CDH13: variants seen among roughly 807,000 people sequenced by gnomAD.
CDH13 encodes cadherin-13.
CDH13 carries 24 observed loss-of-function variants against 63.8 expected under a neutral mutation model. That is an observed-to-expected ratio of 0.38 (90% CI 0.27 to 0.53). CDH13 has a LOEUF of 0.53. Ranked by LOEUF, CDH13 falls within the 20% of genes least tolerant of loss-of-function variation. The pLI, the probability that CDH13 is intolerant of heterozygous loss-of-function variation, is 0.85. For missense variants in CDH13, 1,049 were observed against 903.1 expected (o/e 1.16, Z -2.07); for synonymous variants, 503 against 355.3 (o/e 1.42, Z -4.67).
intron 5 of CDH13, among the ~76,000 whole-genome samples, chr16:83,287,718 G>A (rs1022798696): frequency 2.0e-5 from 3 of 152,076 alleles, no homozygotes; most frequent in African/African-American, 4.8e-5. Context: ...GAAATAAAGT[G>A]CACCATAAAT....
chr16:82,928,602 G>A (rs550312301), intron 2 of CDH13, among the ~76,000 whole-genome samples: 6 of 152,162 alleles, frequency 3.9e-5, no homozygotes, highest in Admixed American at 6.5e-5. Context: ...CTTATCTGGA[G>A]AATTATGTTT....
intron 3 of CDH13, among the ~76,000 whole-genome samples, chr16:83,067,462 T>C (rs2032106183): frequency 6.6e-6 from 1 of 152,146 alleles, no homozygotes; most frequent in South Asian, 2.1e-4. Context: ...AGAACCCATA[T>C]AGTGTTTGAG....
chr16:83,351,596 T>G (rs531795585), intron 6 of CDH13, among the ~76,000 whole-genome samples: 1 of 152,196 alleles, frequency 6.6e-6, no homozygotes, highest in Non-Finnish European at 1.5e-5. Context: ...ACAGCTAGAG[T>G]CTGGATCTAC....
At chr16:83,357,052 C>T (rs2091070456) in intron 6 of CDH13, among the ~76,000 whole-genome samples, 1 of 152,100 alleles carries the variant, frequency 6.6e-6, no homozygotes, top group Admixed American at 6.5e-5. Context: ...ACATGGATGC[C>T]TTCCTCTTGG....
At chr16:83,462,307 G>T (rs967039327) in intron 6 of CDH13, among the ~76,000 whole-genome samples, 2 of 152,248 alleles carry the variant, frequency 1.3e-5, no homozygotes, top group African/African-American at 4.8e-5. Context: ...ACTTGGGTTC[G>T]AGAGTTTCAC....
At chr16:83,241,841 G>A (rs576271182) in intron 5 of CDH13, among the ~76,000 whole-genome samples, 1 of 152,282 alleles carries the variant, frequency 6.6e-6, no homozygotes, top group African/African-American at 2.4e-5. Flanking sequence ...TAAGTTTGAT[G>A]TAGTTTCATT....
At chr16:82,789,860 T>C (rs12446293) in intron 1 of CDH13, among the ~76,000 whole-genome samples, 34,085 of 151,976 alleles carry the variant, frequency 0.22, 4,233 homozygotes, top group East Asian at 0.45. Context: ...ACAGAGCATC[T>C]CCTCACTGGA....
chr16:82,909,673 T>A (rs912328356), intron 2 of CDH13, among the ~76,000 whole-genome samples: 1 of 152,012 alleles, frequency 6.6e-6, no homozygotes, highest in African/African-American at 2.4e-5. Flanking sequence ...CCGGATCTCA[T>A]GAGATGAGGG....
intron 8 of CDH13, among the ~76,000 whole-genome samples, chr16:83,666,627 G>C (rs1157648510): frequency 1.3e-5 from 2 of 152,106 alleles, no homozygotes; most frequent in African/African-American, 4.8e-5. Flanking sequence ...CTTCATTCCA[G>C]CCACACCCAG....
intron 1 of CDH13, among the ~76,000 whole-genome samples, chr16:82,843,225 A>T (rs913929802): frequency 6.6e-6 from 1 of 152,166 alleles, no homozygotes; most frequent in Non-Finnish European, 1.5e-5. Flanking sequence ...GTGTATATTG[A>T]CAATTAGTGT....
At chr16:83,031,096 G>A (rs34529363) in intron 2 of CDH13, among the ~76,000 whole-genome samples, 44,819 of 148,750 alleles carry the variant, frequency 0.3, 7,326 homozygotes, top group African/African-American at 0.41. Flanking sequence ...TGGTGCATGC[G>A]TATGTGTACA....
intron 6 of CDH13, among the ~76,000 whole-genome samples, chr16:83,414,044 A>T (rs1176974647): frequency 2.0e-5 from 3 of 152,168 alleles, no homozygotes; most frequent in African/African-American, 7.2e-5. Context: ...AAACTTCTGA[A>T]AATTAGACAA....
intron 3 of CDH13, among the ~76,000 whole-genome samples, chr16:83,064,286 T>G (rs1597255865): frequency 6.6e-6 from 1 of 152,142 alleles, no homozygotes; most frequent in East Asian, 1.9e-4. Context: ...GGAAAATCGC[T>G]TGAACCCGGG....
At chr16:83,191,496 T>TATATATATATATATATATATGCACATAG (rs2038705097) in intron 4 of CDH13, among the ~76,000 whole-genome samples, 1 of 72,262 alleles carries the variant, frequency 1.4e-5, no homozygotes, top group Non-Finnish European at 2.7e-5. Context: ...TATGCACATA[T>TATATATATATATATATATATGCACATAG]ATATATATAC....
chr16:83,236,758 C>T (rs2040156387), intron 5 of CDH13, among the ~76,000 whole-genome samples: 1 of 151,874 alleles, frequency 6.6e-6, no homozygotes, highest in Non-Finnish European at 1.5e-5. Flanking sequence ...ATTATACAGC[C>T]ATAAAAAGGA....
chr16:83,382,636 T>C (rs1389194719), intron 6 of CDH13, among the ~76,000 whole-genome samples: 2 of 152,150 alleles, frequency 1.3e-5, no homozygotes, highest in Non-Finnish European at 2.9e-5. Flanking sequence ...ATTGATGCAA[T>C]GTCCAATCTC....
chr16:83,141,126 C>T (rs1176820075), intron 4 of CDH13, among the ~76,000 whole-genome samples: 1 of 152,190 alleles, frequency 6.6e-6, no homozygotes, highest in Non-Finnish European at 1.5e-5. Context: ...ATATCTTCTC[C>T]CTCTCCTGAT....
chr16:83,269,768 G>C (rs114428134), intron 5 of CDH13, among the ~76,000 whole-genome samples: 1 of 152,086 alleles, frequency 6.6e-6, no homozygotes. Flanking sequence ...TCCTCACCAG[G>C]TAATCCTAGA....
intron 5 of CDH13, among the ~76,000 whole-genome samples, chr16:83,244,835 A>G (rs186076901): frequency 6.6e-6 from 1 of 152,336 alleles, no homozygotes; most frequent in East Asian, 1.9e-4. Flanking sequence ...AGGGAAGCTC[A>G]TTAGAGACTT....
Sources: allele counts gnomAD v4.1 joint callset (sites outside exome capture counted in the v4.1 genomes callset), GRCh38; gene constraint gnomAD v4.1.1; transcripts MANE v1.5; gene names NCBI Gene and HGNC (gene_info 2026-07-23, HGNC 2026-07-21).